The following SLC35B2 variants were observed in gnomAD, a reference collection of about 807,000 sequenced individuals.
SLC35B2 encodes the protein adenosine 3'-phospho 5'-phosphosulfate transporter 1.
In SLC35B2, 19 loss-of-function variants were observed where a neutral mutation model predicts 37.9. The ratio of observed to expected loss-of-function variants is 0.50; its 90% confidence interval spans 0.35 to 0.74. The LOEUF (loss-of-function observed/expected upper bound fraction) is 0.74, where lower values mean the gene tolerates loss of function less well. SLC35B2 is among the 30% of genes least tolerant of loss of function. SLC35B2 has a pLI of 0.01. For synonymous variants in SLC35B2, 277 were observed against 225.2 expected, an observed-to-expected ratio of 1.23 and a Z score of -2.06; for missense variants, 633 against 547.6, an observed-to-expected ratio of 1.16 and a Z score of -1.56.
At chr6:44,257,695 G>A (rs186786037), upstream of SLC35B2, 255 of 167,344 alleles carry the variant, frequency 1.5e-3, 1 homozygote, top group African/African-American at 5.2e-3. Flanking sequence ...CCCCAGCCCT[G>A]AAGAGGCGCC....
In SLC35B2 at chr6:44,255,642, C is replaced by G. The variant is rs1781345454; in HGVS notation, c.363G>C (p.Val121=). ...KLLFCATGLQ[V]SYLTWGVLQE... ...GCAGCACACCCCAAGTCAGATAAGA[C>G]ACCTGTTGGGGAAGGTAGAGACAAA... Residue 121 remains valine (V), a splice_region_variant and synonymous_variant, in exon 4 of 4, where the codon GTG becomes GTC. Coordinates refer to ENST00000393812, the MANE Select transcript of SLC35B2 (RefSeq NM_178148.4). The G allele has an allele frequency of 6.2e-7, 1 of 1,609,670 alleles. No individual in the cohort carries two copies. Among genetic ancestry groups the G allele is most frequent in the Admixed American group, 1.7e-5 (1 of 59,698 alleles).
At chr6:44,257,012 CCTCT>C (rs36092647) in intron 1 of SLC35B2, 134 bp from the exon 2 acceptor site, 4,074 of 778,450 alleles carry the variant, frequency 5.2e-3, no homozygotes, top group South Asian at 0.011. Context: ...GGACAAAGAG[CCTCT>C]CTCTCTCTCT....
chr6:44,255,978 T>G lies in SLC35B2; in HGVS notation c.361-334A>C, dbSNP rs368447404. 1.5e-3 allele frequency among the ~76,000 whole-genome samples: 185 copies of G among 123,784 alleles called. 3 individuals carry two copies. The South Asian group carries it at 0.03, about 20-fold the overall frequency. 81.2% of individuals were successfully genotyped at this position (123,784 alleles called of 152,430 possible). On this transcript the variant is annotated intron_variant, in intron 3 of 3. Coordinates refer to ENST00000393812, the MANE Select transcript of SLC35B2 (RefSeq NM_178148.4). ...CTCACATGCAGTACTGGGGGAAGGCTGAATGGCTCCCCCACAATTTTATCA... is the reference window on the plus strand; with the variant it reads ...CTCACATGCAGTACTGGGGGAAGGCGGAATGGCTCCCCCACAATTTTATCA...
Position 44,254,236 on chromosome 6 carries a change from A to G in SLC35B2, c.*470T>C, listed in dbSNP as rs993070174. 1.5e-5 allele frequency: 3 copies of G among 202,400 alleles called. No individual in the cohort carries two copies. In the Admixed American group the frequency reaches 1.6e-4, roughly 11 times the overall value. The allele number at this position is 202,400 out of a possible 1,614,324, so 12.5% of individuals were successfully genotyped here. A position where few individuals can be genotyped will look rare whatever the true frequency, so the allele number is the denominator to read the frequency against. On this transcript the variant is annotated 3_prime_UTR_variant, in exon 4 of 4. Coordinates refer to ENST00000393812, the MANE Select transcript of SLC35B2 (RefSeq NM_178148.4). ...AGCATAGGAGGTGGTGGTGCTGGGC[A>G]GGGCTCTGCATCCCCTTTCCTCAGC...
At position 44,255,215 on chromosome 6, in the gene SLC35B2, A is replaced by G. The variant is rs1300766330; in HGVS notation, c.790T>C (p.Ser264Pro). The G allele has an allele frequency of 1.9e-6, 3 of 1,614,210 alleles. No homozygotes were observed. In the East Asian group the frequency reaches 6.7e-5, roughly 36 times the overall value. Residue 264 changes from serine (S) to proline (P), a missense_variant, in exon 4 of 4, where the codon TCC (serine) becomes CCC (proline). Coordinates refer to ENST00000393812, the MANE Select transcript of SLC35B2 (RefSeq NM_178148.4). ...LLSSGPEPRS[S>P]PATTLSGLIL... ...AGGCCTGAGAGTGTGGTGGCTGGGG[A>G]GCTGCGGGGCTCTGGTCCGCTGGAT...
At position 44,256,811 on chromosome 6, in the gene SLC35B2, G is replaced by A; in HGVS notation, c.79C>T (p.Pro27Ser). 1 of 1,614,014 alleles carries A rather than the reference G, an allele frequency of 6.2e-7. No individual in the cohort carries two copies. The highest frequency in any genetic ancestry group is 1.1e-5 in the South Asian group (1 of 91,086). Residue 27 changes from proline to serine, a missense_variant, in exon 2 of 4, where the codon CCT becomes TCT. Physicochemically the swap from Pro to Ser is moderately conservative, Grantham distance 74 (BLOSUM62 -1). Coordinates refer to ENST00000393812, the MANE Select transcript of SLC35B2 (RefSeq NM_178148.4). ...LGAGGETPEA[P>S]PESWTQLWFF... ...CATAGCTGGGTCCATGACTCCGGAG[G>A]GGCTTCGGGAGTCTCCCCACCTGCC...
chr6:44,257,589 G>T (rs1436493853), upstream of SLC35B2: 3 of 391,826 alleles, frequency 7.7e-6, no homozygotes, highest in African/African-American at 6.5e-5. Flanking sequence ...ACCACGCAGC[G>T]CCCCGGGCCG....
chr6:44,256,628 C>A, intron 2 of SLC35B2, 57 bp downstream of exon 2: 1 of 1,611,900 alleles, frequency 6.2e-7, no homozygotes, highest in South Asian at 1.1e-5. Context: ...GTTTGGACTG[C>A]TGGCCAAATA....
At position 44,254,783 on chromosome 6, in the gene SLC35B2, T is replaced by C. The variant is rs1252626866; in HGVS notation, c.1222A>G (p.Arg408Gly). 2 of 1,614,006 alleles carry C rather than the reference T, an allele frequency of 1.2e-6. No homozygotes were observed. The highest frequency in any genetic ancestry group is 1.6e-4 in the Middle Eastern group (1 of 6,084). ...VAVVFAALLL[R>G]VYARGRLKQR... ...TTTAGACGGCCCCGCGCGTAGACTC[T>C]GAGCAGGAGGGCAGCAAAGACCACA... The change falls in exon 4 of 4, where the codon AGA becomes GGA. Residue 408 changes from arginine (R) to glycine (G), a missense_variant. Coordinates refer to ENST00000393812, the MANE Select transcript of SLC35B2 (RefSeq NM_178148.4).
At position 44,255,408 on chromosome 6, in the gene SLC35B2, G is replaced by A; in HGVS notation, c.597C>T (p.Cys199=). The A allele has an allele frequency of 6.2e-7, 1 of 1,614,236 alleles. No homozygotes were observed. Among genetic ancestry groups the A allele is most frequent in the Non-Finnish European group, 8.5e-7 (1 of 1,180,032 alleles). Residue 199 remains cysteine, a synonymous_variant, in exon 4 of 4, where the codon TGC becomes TGT. Coordinates refer to ENST00000393812, the MANE Select transcript of SLC35B2 (RefSeq NM_178148.4). ...TGACGAACTTAAGAGCTTCGTATTG[G>A]CACCAGCTGCTAAGCACATTGGACA... ...ASLSNVLSSW[C]QYEALKFVSF...
chr6:44,256,658 T>A, intron 2 of SLC35B2, 27 bp downstream of exon 2: 1 of 1,613,590 alleles, frequency 6.2e-7, no homozygotes, highest in Non-Finnish European at 8.5e-7. Context: ...CCGACCTAGC[T>A]CACTTCCCCG....
intron 1 of SLC35B2, 98 bp from the exon 2 acceptor site, chr6:44,256,976 C>T (rs1781587964): frequency 1.6e-6 from 2 of 1,269,112 alleles, no homozygotes; most frequent in South Asian, 1.6e-5. Context: ...GTCTCCTCCC[C>T]GCCCCCTCCG....
chr6:44,254,623 T>G lies in SLC35B2; in HGVS notation c.*83A>C. 1 of 1,469,588 alleles carries G rather than the reference T, an allele frequency of 6.8e-7. No homozygotes were observed. The highest frequency in any genetic ancestry group is 9.1e-7 in the Non-Finnish European group (1 of 1,092,952). The allele number at this position is 1,469,588 out of a possible 1,614,324, so 91.0% of individuals were successfully genotyped here. ...GAGAAAACACCTGCATTTTGCCCTT[T>G]CAGCCAGCTCCCTCAGAGGTTACAG... On this transcript the variant is annotated 3_prime_UTR_variant, in exon 4 of 4. Coordinates refer to ENST00000393812, the MANE Select transcript of SLC35B2 (RefSeq NM_178148.4).
In SLC35B2 at chr6:44,255,172, T is replaced by A. The variant is rs765057590; in HGVS notation, c.833A>T (p.Tyr278Phe). ...TGAGGTGAAGCTGTCAAAAGCAATA[T>A]AACCTGCCAGTAAGATGAGGCCTGA... ...TLSGLILLAG[Y>F]IAFDSFTSNW... The change falls in exon 4 of 4, where the codon TAT becomes TTT. Residue 278 changes from tyrosine (Y) to phenylalanine (F), a missense_variant. Tyr to Phe is a conservative substitution (Grantham distance 22). Transcript: ENST00000393812. 6.2e-7 allele frequency: 1 copy of A among 1,614,184 alleles called. No homozygotes were observed. Among genetic ancestry groups the A allele is most frequent in the Non-Finnish European group, 8.5e-7 (1 of 1,180,026 alleles).
In SLC35B2 at chr6:44,254,753, G is replaced by A. The variant is rs138499828; in HGVS notation, c.1252C>T (p.Arg418Trp). ...TCAACAGGCACAGCCTTCTTTCCCC[G>A]TTGCTTTAGACGGCCCCGCGCGTAG... ...RVYARGRLKQ[R>W]GKKAVPVESP... The change falls in exon 4 of 4, where the codon CGG (arginine) becomes TGG (tryptophan). Residue 418 changes from arginine (R) to tryptophan (W), a missense_variant. By Grantham distance (101) the Arg-to-Trp change is moderately radical (BLOSUM62 -3). Coordinates refer to ENST00000393812, the MANE Select transcript of SLC35B2 (RefSeq NM_178148.4). The A allele has an allele frequency of 7.9e-5, 127 of 1,613,962 alleles. No individual in the cohort carries two copies. Among genetic ancestry groups the A allele is most frequent in the Admixed American group, 1.5e-4 (9 of 60,012 alleles).
At position 44,256,757 on chromosome 6, in the gene SLC35B2, C is replaced by T. The variant is rs535552726; in HGVS notation, c.133G>A (p.Gly45Ser). The change falls in exon 2 of 4, where the codon GGC becomes AGC. Residue 45 changes from glycine to serine, a missense_variant. Physicochemically the swap from Gly to Ser is moderately conservative, Grantham distance 56. Transcript: ENST00000393812. Reference protein sequence around the residue: ...WFFRFVVNAAGYASFMVPGYL... With the variant: ...WFFRFVVNAASYASFMVPGYL... Reference sequence around the variant, plus strand: ...CCAGGTACCATAAAGCTGGCATAGCCAGCAGCATTCACCACAAATCGGAAG... The same window carrying T: ...CCAGGTACCATAAAGCTGGCATAGCTAGCAGCATTCACCACAAATCGGAAG... The T allele has an allele frequency of 1.9e-6, 3 of 1,614,208 alleles. No individual in the cohort carries two copies. The highest frequency in any genetic ancestry group is 4.5e-5 in the East Asian group (2 of 44,866).
chr6:44,255,743 C>T, intron 3 of SLC35B2, 99 bp from the exon 4 acceptor site: 1 of 1,169,694 alleles, frequency 8.5e-7, no homozygotes, highest in South Asian at 1.6e-5. Context: ...CTAAGTGATT[C>T]AAAGGAAAAT....
At position 44,256,716 on chromosome 6, in the gene SLC35B2, C is replaced by A; in HGVS notation, c.174G>T (p.Gln58His). ...SFMVPGYLLV[Q>H]YFRRKNYLET... ...CCAGGTAGTTCTTCCGCCTGAAGTA[C>A]TGCACCAGGAGGTAGCCAGGTACCA... Residue 58 changes from glutamine to histidine, a missense_variant, in exon 2 of 4, where the codon CAG (glutamine) becomes CAT (histidine). Coordinates refer to ENST00000393812, the MANE Select transcript of SLC35B2 (RefSeq NM_178148.4). The A allele has an allele frequency of 6.2e-7, 1 of 1,614,180 alleles. No homozygotes were observed. Among genetic ancestry groups the A allele is most frequent in the African/African-American group, 1.3e-5 (1 of 75,054 alleles).
rs1342127759 is a variant in SLC35B2 at position 44,254,491 on chromosome 6, C to T, written c.*215G>A. The T allele has an allele frequency of 1.2e-5, 7 of 578,408 alleles. No homozygotes were observed. The highest frequency in any genetic ancestry group is 4.6e-5 in the South Asian group (2 of 43,734). The allele number at this position is 578,408 out of a possible 1,614,324, so 35.8% of individuals were successfully genotyped here. A position where few individuals can be genotyped will look rare whatever the true frequency, so the allele number is the denominator to read the frequency against. On this transcript the variant is annotated 3_prime_UTR_variant, in exon 4 of 4. Coordinates refer to ENST00000393812, the MANE Select transcript of SLC35B2 (RefSeq NM_178148.4). ...CCCCTCACTGAGGACTGTCTACCCCCGGGGCTCAGAATAAACTGCTTACTG... is the reference window on the plus strand; with the variant it reads ...CCCCTCACTGAGGACTGTCTACCCCTGGGGCTCAGAATAAACTGCTTACTG...
Sources: gnomAD v4.1 joint callset for allele counts (sites outside exome capture counted in the v4.1 genomes callset) on GRCh38, gnomAD v4.1.1 for gene constraint, MANE v1.5 for transcripts, NCBI Gene and HGNC (gene_info 2026-07-23, HGNC 2026-07-21) for gene names.